Variants in ROBO2 observed in about 807,000 individuals in gnomAD.
ROBO2 encodes the protein roundabout guidance receptor 2, also known as roundabout homolog 2.
ROBO2 carries 53 observed loss-of-function variants against 160.8 expected under a neutral mutation model. The observed-to-expected ratio is 0.33, with a 90% CI of 0.26 to 0.41. The LOEUF (loss-of-function observed/expected upper bound fraction) is 0.41, where lower values mean the gene tolerates loss of function less well. ROBO2 is among the 10% of genes least tolerant of loss of function. The probability of loss-of-function intolerance (pLI) is 1.00; values close to 1 mark genes in which losing one functional copy is unlikely to be tolerated. For synonymous variants in ROBO2, 664 were observed against 611.7 expected (o/e 1.09, Z -1.26); for missense variants, 1,577 against 1,722.4 (o/e 0.92, Z 1.49).
At chr3:76,631,020 G>T (rs928655842) in intron 2 of ROBO2, among the ~76,000 whole-genome samples, 4 of 152,126 alleles carry the variant, frequency 2.6e-5, no homozygotes, top group Admixed American at 2.0e-4. Context: ...GAATGTGCGA[G>T]AATTTAGCTG....
At chr3:76,405,762 A>G (rs979575681) in intron 2 of ROBO2, among the ~76,000 whole-genome samples, 6 of 151,690 alleles carry the variant, frequency 4.0e-5, no homozygotes, top group Admixed American at 4.0e-4. Flanking sequence ...GAAAGCACTC[A>G]TATAAGTAGC....
At chr3:76,001,096 G>A (rs1174237212) in intron 2 of ROBO2, among the ~76,000 whole-genome samples, 1 of 151,608 alleles carries the variant, frequency 6.6e-6, no homozygotes, top group Admixed American at 6.6e-5. Context: ...CATTTAATCT[G>A]TCTCGCTTTT....
chr3:77,250,399 A>G (rs2090199212), intron 2 of ROBO2, among the ~76,000 whole-genome samples: 1 of 152,164 alleles, frequency 6.6e-6, no homozygotes, highest in African/African-American at 2.4e-5. Flanking sequence ...AGTTTCATAA[A>G]TGGAAATGCC....
At chr3:75,924,022 C>T (rs1006594831) in intron 1 of ROBO2, among the ~76,000 whole-genome samples, 1 of 152,078 alleles carries the variant, frequency 6.6e-6, no homozygotes, top group African/African-American at 2.4e-5. Flanking sequence ...AGACTAGGAC[C>T]AAAGCTTTTA....
At chr3:76,198,028 C>T (rs1702342338) in intron 2 of ROBO2, among the ~76,000 whole-genome samples, 1 of 152,208 alleles carries the variant, frequency 6.6e-6, no homozygotes, top group Admixed American at 6.6e-5. Context: ...CAAAGTACAA[C>T]TGTAAGCACC....
chr3:76,335,178 G>GTTTTTTT (rs34963831), intron 2 of ROBO2, among the ~76,000 whole-genome samples: 98 of 77,858 alleles, frequency 1.3e-3, no homozygotes, highest in East Asian at 4.7e-3. Context: ...TTTCTGTTTT[G>GTTTTTTT]TTTTTTTTTT....
chr3:77,518,814 C>T (rs35468407), intron 5 of ROBO2, among the ~76,000 whole-genome samples: 5,186 of 151,532 alleles, frequency 0.034, 137 homozygotes, highest in Non-Finnish European at 0.053. Context: ...AGGAACTATG[C>T]TGGGCACTGT....
intron 2 of ROBO2, among the ~76,000 whole-genome samples, chr3:76,309,680 T>C (rs2071485075): frequency 6.6e-6 from 1 of 152,214 alleles, no homozygotes; most frequent in Non-Finnish European, 1.5e-5. Flanking sequence ...CATAAGTGCA[T>C]AATTCATGTA....
chr3:77,300,969 A>G (rs2062605803), intron 2 of ROBO2, among the ~76,000 whole-genome samples: 1 of 151,984 alleles, frequency 6.6e-6, no homozygotes, highest in East Asian at 1.9e-4. Context: ...CTTGGGTTCA[A>G]GCAATTCTCC....
chr3:76,670,446 G>A (rs1003011957), intron 2 of ROBO2, among the ~76,000 whole-genome samples: 5 of 151,642 alleles, frequency 3.3e-5, no homozygotes, highest in African/African-American at 7.3e-5. Context: ...AAATAGCCTC[G>A]GTATGGCTGC....
intron 2 of ROBO2, among the ~76,000 whole-genome samples, chr3:77,437,732 T>C (rs1424253016): frequency 6.6e-6 from 1 of 152,002 alleles, no homozygotes; most frequent in Non-Finnish European, 1.5e-5. Flanking sequence ...CTTAGGTTTT[T>C]GAATTGATGA....
intron 2 of ROBO2, among the ~76,000 whole-genome samples, chr3:77,234,551 A>G (rs190169633): frequency 1.6e-4 from 25 of 152,306 alleles, no homozygotes; most frequent in African/African-American, 5.5e-4. Context: ...TGCATATATT[A>G]GAAGGTTATC....
intron 2 of ROBO2, among the ~76,000 whole-genome samples, chr3:76,488,710 C>A (rs1209514901): frequency 1.3e-5 from 2 of 151,904 alleles, no homozygotes; most frequent in African/African-American, 4.8e-5. Context: ...CCATAGGGAG[C>A]AGATATCTTG....
At chr3:76,275,077 A>C (rs1707841384) in intron 2 of ROBO2, among the ~76,000 whole-genome samples, 1 of 152,138 alleles carries the variant, frequency 6.6e-6, no homozygotes, top group Non-Finnish European at 1.5e-5. Flanking sequence ...TTTAGATGGA[A>C]AAAGTGATTG....
chr3:77,351,571 A>G (rs1214170271), intron 2 of ROBO2, among the ~76,000 whole-genome samples: 2 of 152,122 alleles, frequency 1.3e-5, no homozygotes, highest in Non-Finnish European at 2.9e-5. Flanking sequence ...GTGCCTCACT[A>G]CAGTCACCAG....
At chr3:77,136,641 ATT>A (rs1328396109) in intron 2 of ROBO2, among the ~76,000 whole-genome samples, 8 of 140,208 alleles carry the variant, frequency 5.7e-5, no homozygotes, top group Non-Finnish European at 7.8e-5. Flanking sequence ...CACCCAATTA[ATT>A]TTTTTTTTTT....
At position 77,156,457 on chromosome 3, in the gene ROBO2, A is replaced by C. The variant is rs1414894306; in HGVS notation, c.388+58117A>C. Among the ~76,000 whole-genome samples the C allele has an allele frequency of 2.6e-5, 4 of 152,056 alleles. No homozygotes were observed. In the South Asian group the frequency reaches 8.3e-4, roughly 31 times the overall value. On this transcript the variant is annotated intron_variant, in intron 2 of 25. Coordinates refer to ENST00000461745, the Ensembl canonical transcript of ROBO2. ...CTGTTGTGAATGTGCTATTGTACCT[A>C]TGACACTGGAAAACCATTATGAGTT...
At chr3:77,050,368 G>A (rs866897807) in intron 1 of ROBO2, among the ~76,000 whole-genome samples, 48 of 151,912 alleles carry the variant, frequency 3.2e-4, no homozygotes, top group African/African-American at 1.1e-3. Flanking sequence ...GCAACAACAA[G>A]CTATTACTCA....
intron 1 of ROBO2, among the ~76,000 whole-genome samples, chr3:77,061,299 G>A (rs1471012521): frequency 1.3e-5 from 2 of 152,108 alleles, no homozygotes; most frequent in African/African-American, 4.8e-5. Context: ...TAATTGCAAG[G>A]CCATTAATTT....
Sources: gnomAD v4.1 joint callset for allele counts (sites outside exome capture counted in the v4.1 genomes callset) on GRCh38, gnomAD v4.1.1 for gene constraint, MANE v1.5 for transcripts, NCBI Gene and HGNC (gene_info 2026-07-23, HGNC 2026-07-21) for gene names.